The following ATXN1 variants were observed in gnomAD, a reference collection of about 807,000 sequenced individuals.
ATXN1 encodes the protein ataxin-1.
ATXN1 carries 8 observed loss-of-function variants against 56.4 expected under a neutral mutation model. The observed-to-expected ratio is 0.14, with a 90% CI of 0.08 to 0.26. ATXN1 has a LOEUF of 0.26. Among genes scored for constraint, ATXN1 ranks in the 10% least tolerant of loss-of-function variants. ATXN1 has a pLI of 1.00. For synonymous variants in ATXN1, 514 were observed against 494.6 expected (o/e 1.04, Z -0.52); for missense variants, 987 against 1,106.5 (o/e 0.89, Z 1.53).
Position 16,687,711 on chromosome 6 carries a change from G to A in ATXN1, c.-614-29810C>T, listed in dbSNP as rs138486232. Among the ~76,000 whole-genome samples, 67 of 145,922 alleles carry A rather than the reference G, an allele frequency of 4.6e-4. No individual in the cohort carries two copies. The East Asian group carries it at 5.1e-3, about 11-fold the overall frequency. On this transcript the variant is annotated intron_variant, in intron 2 of 7. Transcript: ENST00000436367. Reference sequence around the variant, plus strand: ...ACACACACACGGAGGATACAGCACCGTGAAGAATGAAGACACAAATGCATA... The same window carrying A: ...ACACACACACGGAGGATACAGCACCATGAAGAATGAAGACACAAATGCATA...
At chr6:16,411,949 T>C (rs186889129) in intron 6 of ATXN1, among the ~76,000 whole-genome samples, 74 of 152,338 alleles carry the variant, frequency 4.9e-4, no homozygotes, top group African/African-American at 1.7e-3. Context: ...ATCTTGAATG[T>C]TTTAACTCAG....
At chr6:16,489,046 A>C (rs1215791286) in intron 5 of ATXN1, among the ~76,000 whole-genome samples, 8 of 152,142 alleles carry the variant, frequency 5.3e-5, no homozygotes, top group Non-Finnish European at 1.0e-4. Flanking sequence ...CACAGCACTT[A>C]CAGTCTCTAC....
Position 16,304,643 on chromosome 6 carries a change from G to T in ATXN1, c.*1686C>A, listed in dbSNP as rs768510905. The T allele has an allele frequency of 6.6e-6, 1 of 152,510 alleles. No individual in the cohort carries two copies. Among genetic ancestry groups the T allele is most frequent in the Non-Finnish European group, 1.5e-5 (1 of 67,990 alleles). The allele number at this position is 152,510 out of a possible 1,614,324, so 9.4% of individuals were successfully genotyped here. On this transcript the variant is annotated 3_prime_UTR_variant, in exon 8 of 8. Transcript: ENST00000436367. Reference sequence around the variant, plus strand: ...AAAAAGACCAAAATGAATTTTCAAAGGAACATAACCTTATAAAATGGCCTA... The same window carrying T: ...AAAAAGACCAAAATGAATTTTCAAATGAACATAACCTTATAAAATGGCCTA...
In ATXN1 at chr6:16,327,486, C is replaced by T. The variant is rs546781698; in HGVS notation, c.825G>A (p.Thr275=). The T allele has an allele frequency of 5.0e-6, 8 of 1,613,056 alleles. 1 individual carries two copies. The South Asian group carries it at 5.5e-5, about 11-fold the overall frequency. ...AIPVHLHPHQ[T]MIPHTLTLGP... Reference sequence around the variant, plus strand: ...CCAGGGTGAGCGTGTGTGGGATCATCGTCTGGTGGGGGTGGAGGTGGACGG... The same window carrying T: ...CCAGGGTGAGCGTGTGTGGGATCATTGTCTGGTGGGGGTGGAGGTGGACGG... Residue 275 remains threonine (T), a synonymous_variant, in exon 7 of 8, where the codon ACG becomes ACA. Transcript: ENST00000436367.
chr6:16,611,849 A>T (rs1194477878), intron 3 of ATXN1, among the ~76,000 whole-genome samples: 26 of 75,154 alleles, frequency 3.5e-4, no homozygotes, highest in Admixed American at 6.6e-4. Flanking sequence ...AGCAGATGAA[A>T]TTTTTTTTTT....
chr6:16,759,540 T>TTG (rs1760997671), intron 1 of ATXN1, among the ~76,000 whole-genome samples: 1 of 145,144 alleles, frequency 6.9e-6, no homozygotes, highest in African/African-American at 2.5e-5. Context: ...GTTTTTTTTT[T>TTG]TTTTTTTTTT....
chr6:16,308,069 G>A (rs1010911783), intron 7 of ATXN1, among the ~76,000 whole-genome samples: 2 of 151,916 alleles, frequency 1.3e-5, no homozygotes, highest in South Asian at 2.1e-4. Flanking sequence ...CAGGAGAATC[G>A]TTTGAGTCCG....
At chr6:16,607,035 C>T (rs1310643899) in intron 3 of ATXN1, among the ~76,000 whole-genome samples, 2 of 151,936 alleles carry the variant, frequency 1.3e-5, no homozygotes, top group African/African-American at 2.4e-5. Context: ...TACAGGCATG[C>T]GCCAACATGC....
chr6:16,708,653 T>C (rs1295495475), intron 2 of ATXN1, among the ~76,000 whole-genome samples: 3 of 151,956 alleles, frequency 2.0e-5, no homozygotes, highest in South Asian at 4.1e-4. Context: ...GTGTACTTAT[T>C]AGGAAGATAC....
chr6:16,441,244 C>T (rs1759512014), intron 6 of ATXN1, among the ~76,000 whole-genome samples: 2 of 152,048 alleles, frequency 1.3e-5, no homozygotes, highest in African/African-American at 4.8e-5. Flanking sequence ...TCGAACATGG[C>T]AGTAATAATT....
At chr6:16,580,590 A>G (rs550432084) in intron 4 of ATXN1, among the ~76,000 whole-genome samples, 8 of 152,236 alleles carry the variant, frequency 5.3e-5, no homozygotes, top group Non-Finnish European at 8.8e-5. Context: ...ATGATGGAAT[A>G]GTCTACCTTA....
chr6:16,730,550 A>G (rs1397214722), intron 2 of ATXN1, among the ~76,000 whole-genome samples: 1 of 145,394 alleles, frequency 6.9e-6, no homozygotes, highest in Admixed American at 7.0e-5. Context: ...ATATTTATGT[A>G]CAATAATATA....
At chr6:16,491,461 T>A (rs1018370306) in intron 5 of ATXN1, among the ~76,000 whole-genome samples, 1 of 151,726 alleles carries the variant, frequency 6.6e-6, no homozygotes, top group African/African-American at 2.4e-5. Context: ...ATTTTTGGTA[T>A]TTTTAGTAGA....
intron 6 of ATXN1, among the ~76,000 whole-genome samples, chr6:16,335,723 G>C (rs954129957): frequency 6.6e-6 from 1 of 152,174 alleles, no homozygotes; most frequent in African/African-American, 2.4e-5. Flanking sequence ...GGATGATCCA[G>C]GTGGGCCCTC....
chr6:16,417,670 C>A (rs984094810), intron 6 of ATXN1, among the ~76,000 whole-genome samples: 4 of 151,918 alleles, frequency 2.6e-5, no homozygotes, highest in Non-Finnish European at 5.9e-5. Flanking sequence ...GATCTCCTGA[C>A]CTCGTGATCC....
intron 2 of ATXN1, chr6:16,738,666 T>C (rs1760221811): frequency 2.0e-5 from 3 of 152,252 alleles, no homozygotes; most frequent in Non-Finnish European, 4.4e-5. Flanking sequence ...CCTAGTATTA[T>C]TACTGCAGGC....
intron 3 of ATXN1, among the ~76,000 whole-genome samples, chr6:16,608,485 CTT>C (rs1235331307): frequency 6.6e-6 from 1 of 152,192 alleles, no homozygotes; most frequent in Non-Finnish European, 1.5e-5. Context: ...CACTATTATT[CTT>C]TGTTTCCTTA....
chr6:16,540,842 G>A (rs1352326140), intron 4 of ATXN1, among the ~76,000 whole-genome samples: 1 of 152,158 alleles, frequency 6.6e-6, no homozygotes, highest in African/African-American at 2.4e-5. Context: ...ACTGAAAGGT[G>A]TTCAATACCG....
intron 4 of ATXN1, among the ~76,000 whole-genome samples, chr6:16,573,051 C>T (rs945611870): frequency 6.6e-6 from 1 of 152,186 alleles, no homozygotes; most frequent in African/African-American, 2.4e-5. Flanking sequence ...CTGCTAGGAA[C>T]AGAGTAGGGC....
Sources: gnomAD v4.1 joint callset for allele counts (sites outside exome capture counted in the v4.1 genomes callset) on GRCh38, gnomAD v4.1.1 for gene constraint, MANE v1.5 for transcripts, NCBI Gene and HGNC (gene_info 2026-07-23, HGNC 2026-07-21) for gene names.